CCDC7: variants seen among roughly 807,000 people sequenced by gnomAD.
CCDC7 encodes the protein coiled-coil domain-containing protein 7.
A neutral mutation model predicts 196.9 loss-of-function variants in CCDC7; 183 were observed. The ratio of observed to expected loss-of-function variants is 0.93; its 90% CI spans 0.82 to 1.05. The LOEUF is 1.05. Ranked by LOEUF, CCDC7 falls within the 50% of genes least tolerant of loss-of-function variation. CCDC7 has a pLI of 0.00. For missense variants in CCDC7, 1,540 were observed against 1,482.2 expected, an observed-to-expected ratio of 1.04 and a Z score of -0.64; for synonymous variants, 525 against 484.6, an observed-to-expected ratio of 1.08 and a Z score of -1.10.
intron 13 of CCDC7, among the ~76,000 whole-genome samples, chr10:32,556,254 C>A (rs753482889): frequency 1.3e-5 from 2 of 151,930 alleles, no homozygotes; most frequent in Admixed American, 1.3e-4. Flanking sequence ...CATCTTTATT[C>A]GTTAGAATAT....
intron 5 of CCDC7, among the ~76,000 whole-genome samples, chr10:32,467,877 C>T (rs1404388280): frequency 6.6e-6 from 1 of 152,080 alleles, no homozygotes; most frequent in Non-Finnish European, 1.5e-5. Flanking sequence ...TCAGGTTTGT[C>T]GAAGATCAGA....
intron 8 of CCDC7, among the ~76,000 whole-genome samples, chr10:32,487,089 T>C (rs1334209777): frequency 6.6e-6 from 1 of 152,216 alleles, no homozygotes; most frequent in Admixed American, 6.5e-5. Context: ...AAGAGTGTTT[T>C]CCAACTTGGT....
At chr10:32,531,287 T>C (rs1440312055) in intron 11 of CCDC7, among the ~76,000 whole-genome samples, 1 of 152,126 alleles carries the variant, frequency 6.6e-6, no homozygotes, top group Non-Finnish European at 1.5e-5. Context: ...CATGCCTGGC[T>C]ATTGTTCTTT....
chr10:32,566,989 T>C (rs1480892346), intron 14 of CCDC7, among the ~76,000 whole-genome samples: 1 of 104,688 alleles, frequency 9.6e-6, no homozygotes, highest in African/African-American at 4.1e-5. Context: ...AACATATTTA[T>C]ATATAAAAAA....
intron 31 of CCDC7, among the ~76,000 whole-genome samples, chr10:32,819,045 C>G (rs893107577): frequency 2.0e-5 from 3 of 151,838 alleles, no homozygotes; most frequent in Non-Finnish European, 4.4e-5. Flanking sequence ...TTGAAAAGAT[C>G]AACAAAATTG....
chr10:32,751,157 A>C (rs1306057494), intron 28 of CCDC7, among the ~76,000 whole-genome samples: 1 of 151,600 alleles, frequency 6.6e-6, no homozygotes, highest in African/African-American at 2.4e-5. Flanking sequence ...CCAAACCTTT[A>C]TTGTTATGAA....
intron 18 of CCDC7, among the ~76,000 whole-genome samples, chr10:32,617,716 G>A (rs1459971999): frequency 6.6e-6 from 1 of 151,792 alleles, no homozygotes; most frequent in Non-Finnish European, 1.5e-5. Context: ...CTTTAACATG[G>A]TCTACCTTGG....
chr10:32,689,080 T>C (rs1203648180), exon 23 of CCDC7: 3 of 1,605,172 alleles, frequency 1.9e-6, no homozygotes, highest in Admixed American at 1.7e-5. Context: ...AATGAAAATC[T>C]TATACTTAGG....
intron 24 of CCDC7, among the ~76,000 whole-genome samples, chr10:32,698,975 A>G (rs1436958993): frequency 1.3e-5 from 2 of 152,224 alleles, no homozygotes; most frequent in Non-Finnish European, 2.9e-5. Context: ...TTAACCACAA[A>G]GGGAAGCCCA....
At chr10:32,740,609 G>A (rs1480269267) in intron 28 of CCDC7, among the ~76,000 whole-genome samples, 1 of 152,098 alleles carries the variant, frequency 6.6e-6, no homozygotes, top group Non-Finnish European at 1.5e-5. Flanking sequence ...GTATACCAAG[G>A]AATGACTGTA....
At chr10:32,562,014 TAC>T (rs1316894547) in intron 13 of CCDC7, among the ~76,000 whole-genome samples, 13 of 152,196 alleles carry the variant, frequency 8.5e-5, no homozygotes, top group Non-Finnish European at 1.8e-4. Context: ...CAGAGAATAC[TAC>T]AAACACCTCT....
intron 13 of CCDC7, among the ~76,000 whole-genome samples, chr10:32,545,385 G>A (rs1190136195): frequency 6.6e-6 from 1 of 152,178 alleles, no homozygotes; most frequent in Non-Finnish European, 1.5e-5. Context: ...GAATGTACTA[G>A]TTAAGAACCA....
At chr10:32,520,523 A>T (rs1432079339) in intron 11 of CCDC7, among the ~76,000 whole-genome samples, 2 of 152,096 alleles carry the variant, frequency 1.3e-5, no homozygotes, top group Non-Finnish European at 2.9e-5. Context: ...TCTTGTTTTG[A>T]GAAATGTCTA....
At chr10:32,510,668 A>T (rs1427235082) in intron 9 of CCDC7, among the ~76,000 whole-genome samples, 1 of 152,144 alleles carries the variant, frequency 6.6e-6, no homozygotes, top group Non-Finnish European at 1.5e-5. Context: ...TACAGTCATC[A>T]TGCCAAAATT....
chr10:32,477,053 C>A (rs1371685544), intron 8 of CCDC7, among the ~76,000 whole-genome samples: 1 of 77,178 alleles, frequency 1.3e-5, no homozygotes, highest in African/African-American at 4.1e-5. Context: ...AGAATAAAGT[C>A]AAACTTAACA....
rs188355008 is a variant in CCDC7, at chr10:32,703,510, G to A, written c.2459-8110G>A. Among the ~76,000 whole-genome samples the A allele has an allele frequency of 3.2e-4, 49 of 152,002 alleles. No homozygotes were observed. In the East Asian group the frequency reaches 7.9e-3, roughly 25 times the overall value. ...TATGAGTCTTGGAGTTGCTGTTCTC[G>A]AGGAGTATCTTTGTGGCATTCTCTG... On this transcript the variant is annotated intron_variant, in intron 24 of 41. Transcript: ENST00000639629.
In CCDC7 at chr10:32,875,489, C is replaced by T. The variant is rs142775092; in HGVS notation, c.4112-858C>T. Reference sequence around the variant, plus strand: ...GGGCCCTCTGTTCTGTTTCATTGGTCGGTGTGTCTGTTTTTGTACCAGTAC... The same window carrying T: ...GGGCCCTCTGTTCTGTTTCATTGGTTGGTGTGTCTGTTTTTGTACCAGTAC... On this transcript the variant is annotated intron_variant, in intron 41 of 41. Coordinates refer to ENST00000639629, the Ensembl canonical transcript of CCDC7. 6.0e-3 allele frequency among the ~76,000 whole-genome samples: 908 copies of T among 151,990 alleles called. 8 individuals carry two copies. Among genetic ancestry groups the T allele is most frequent in the African/African-American group, 0.021 (865 of 41,498 alleles).
chr10:32,465,290 C>A (rs954648371), intron 5 of CCDC7, among the ~76,000 whole-genome samples: 2 of 152,062 alleles, frequency 1.3e-5, no homozygotes, highest in African/African-American at 4.8e-5. Context: ...CCATTCAGAG[C>A]CACATTTATT....
intron 2 of CCDC7, among the ~76,000 whole-genome samples, chr10:32,455,193 C>G (rs574201026): frequency 6.6e-6 from 1 of 151,602 alleles, no homozygotes; most frequent in Non-Finnish European, 1.5e-5. Context: ...TCATTTTCCT[C>G]TCTGCTGGAT....
Sources: gnomAD v4.1 joint callset for allele counts (sites outside exome capture counted in the v4.1 genomes callset) on GRCh38, gnomAD v4.1.1 for gene constraint, MANE v1.5 for transcripts, NCBI Gene and HGNC (gene_info 2026-07-23, HGNC 2026-07-21) for gene names.